RGS7: variants seen among roughly 807,000 people sequenced by gnomAD.
RGS7 encodes regulator of G protein signaling 7.
A neutral mutation model predicts 81.1 loss-of-function variants in RGS7; 27 were observed. The observed-to-expected ratio is 0.33, with a 90% CI of 0.25 to 0.46. The LOEUF is 0.46. Among genes scored for constraint, RGS7 ranks in the 20% least tolerant of loss-of-function variants. The probability of loss-of-function intolerance (pLI) is 1.00; values close to 1 mark genes in which losing one functional copy is unlikely to be tolerated. For missense variants in RGS7, 396 were observed against 607.4 expected (o/e 0.65, Z 3.66); for synonymous variants, 208 against 207.7 (o/e 1.00, Z -0.01).
Position 240,818,727 on chromosome 1 carries a change from T to A in RGS7, c.685-2312A>T, listed in dbSNP as rs540040424. Among the ~76,000 whole-genome samples the A allele has an allele frequency of 8.5e-5, 13 of 152,218 alleles. No individual in the cohort carries two copies. The South Asian group carries it at 2.7e-3, about 32-fold the overall frequency. On this transcript the variant is annotated intron_variant, in intron 10 of 18. Transcript: ENST00000440928. ...TTTACCATAGAATTACACTTATATGTGGAATATAAAAAAGCTAAAGTAGAG... is the reference window on the plus strand; with the variant it reads ...TTTACCATAGAATTACACTTATATGAGGAATATAAAAAAGCTAAAGTAGAG...
intron 9 of RGS7, among the ~76,000 whole-genome samples, chr1:240,857,160 C>A (rs146424609): frequency 1.1e-4 from 16 of 152,274 alleles, no homozygotes; most frequent in African/African-American, 1.2e-4. Flanking sequence ...TCATTATACT[C>A]TCCTATGATG....
intron 2 of RGS7, among the ~76,000 whole-genome samples, chr1:241,323,157 AAG>A (rs2148615575): frequency 6.6e-6 from 1 of 152,310 alleles, no homozygotes; most frequent in Admixed American, 6.5e-5. Flanking sequence ...CCTTAAAAAT[AAG>A]AGAGAAAACA....
intron 2 of RGS7, among the ~76,000 whole-genome samples, chr1:241,162,222 G>GCCCCCCCCCACCGCCC (rs68166816): frequency 7.0e-6 from 1 of 142,028 alleles, no homozygotes; most frequent in East Asian, 2.0e-4. Context: ...CTGGTGATCA[G>GCCCCCCCCCACCGCCC]CTTCCAAATA....
intron 3 of RGS7, among the ~76,000 whole-genome samples, chr1:241,091,053 T>C (rs188857075): frequency 8.4e-4 from 128 of 152,290 alleles, no homozygotes; most frequent in African/African-American, 2.9e-3. Flanking sequence ...TACACATTAG[T>C]AAACTGTTCA....
chr1:240,834,094 T>C (rs1345525217), intron 9 of RGS7, among the ~76,000 whole-genome samples: 1 of 152,200 alleles, frequency 6.6e-6, no homozygotes, highest in Non-Finnish European at 1.5e-5. Context: ...GCCAGGATTC[T>C]TTTTTTAAAG....
chr1:240,840,786 T>C (rs1227070506), intron 9 of RGS7, among the ~76,000 whole-genome samples: 2 of 152,250 alleles, frequency 1.3e-5, no homozygotes, highest in Non-Finnish European at 2.9e-5. Flanking sequence ...GGACTTCCTA[T>C]GTCTTGTTTA....
chr1:241,027,091 T>C (rs2059828331), intron 3 of RGS7, among the ~76,000 whole-genome samples: 4 of 150,564 alleles, frequency 2.7e-5, no homozygotes, highest in Admixed American at 2.0e-4. Context: ...TAGTTCCAGA[T>C]GCTCAGGAGG....
chr1:241,225,273 T>C (rs2075253556), intron 2 of RGS7, among the ~76,000 whole-genome samples: 1 of 152,202 alleles, frequency 6.6e-6, no homozygotes, highest in South Asian at 2.1e-4. Context: ...ATGTTAGATA[T>C]ATCTCTGTAA....
At chr1:241,098,638 A>G in intron 3 of RGS7, 28 bp downstream of exon 3, 1 of 1,482,752 alleles carries the variant, frequency 6.7e-7, no homozygotes, top group South Asian at 1.1e-5. Context: ...TACAGGAGAA[A>G]ACAGAACTGT....
intron 4 of RGS7, among the ~76,000 whole-genome samples, chr1:240,959,019 G>A (rs770599481): frequency 5.3e-5 from 8 of 152,154 alleles, no homozygotes; most frequent in Admixed American, 1.3e-4. Flanking sequence ...TAAGCAGAAC[G>A]TATCATTTGA....
At chr1:240,930,834 TG>T (rs1294913294) in intron 5 of RGS7, 66 bp from the exon 6 acceptor site, 23 of 1,402,526 alleles carry the variant, frequency 1.6e-5, no homozygotes, top group Non-Finnish European at 2.2e-5. Flanking sequence ...TTCTGGCCAG[TG>T]AATTACATTT....
intron 2 of RGS7, among the ~76,000 whole-genome samples, chr1:241,244,289 T>A (rs1299612657): frequency 6.6e-6 from 1 of 152,060 alleles, no homozygotes; most frequent in Non-Finnish European, 1.5e-5. Context: ...CACCAAAAAG[T>A]GGGCAAAGGA....
chr1:241,316,712 G>A (rs2080900548), intron 2 of RGS7, among the ~76,000 whole-genome samples: 1 of 152,096 alleles, frequency 6.6e-6, no homozygotes, highest in Admixed American at 6.5e-5. Context: ...ATATTGGCCT[G>A]TAGTTTTCTT....
At chr1:241,134,860 C>T (rs1393043156) in intron 2 of RGS7, among the ~76,000 whole-genome samples, 1 of 152,006 alleles carries the variant, frequency 6.6e-6, no homozygotes, top group Admixed American at 6.5e-5. Flanking sequence ...GGCGCAAGGC[C>T]ACTTACAGTA....
chr1:240,814,125 A>C (rs1690373733), intron 12 of RGS7, among the ~76,000 whole-genome samples: 1 of 152,252 alleles, frequency 6.6e-6, no homozygotes, highest in Non-Finnish European at 1.5e-5. Context: ...AAAAGTATTT[A>C]CAGGAATTAA....
chr1:241,283,028 C>T (rs1347577770), intron 2 of RGS7, among the ~76,000 whole-genome samples: 2 of 151,984 alleles, frequency 1.3e-5, no homozygotes, highest in East Asian at 3.9e-4. Flanking sequence ...ATCATTTTAC[C>T]AGTTTGAGTG....
At chr1:241,262,855 CT>C (rs920420384) in intron 2 of RGS7, among the ~76,000 whole-genome samples, 2 of 152,064 alleles carry the variant, frequency 1.3e-5, no homozygotes, top group African/African-American at 4.8e-5. Context: ...AATTCCAGCA[CT>C]TTGGGAGGCC....
chr1:241,189,743 G>T (rs963895794), intron 2 of RGS7, among the ~76,000 whole-genome samples: 2 of 152,098 alleles, frequency 1.3e-5, no homozygotes, highest in Non-Finnish European at 2.9e-5. Flanking sequence ...TTAGTCTATG[G>T]ACATTTAATC....
At chr1:241,158,995 G>C (rs1465153502) in intron 2 of RGS7, among the ~76,000 whole-genome samples, 2 of 152,166 alleles carry the variant, frequency 1.3e-5, no homozygotes, top group East Asian at 3.9e-4. Context: ...TCTCAAAATA[G>C]CACCCAAGAG....
Sources: allele counts gnomAD v4.1 joint callset (sites outside exome capture counted in the v4.1 genomes callset), GRCh38; gene constraint gnomAD v4.1.1; transcripts MANE v1.5; gene names NCBI Gene and HGNC (gene_info 2026-07-23, HGNC 2026-07-21).